Variants in COL5A2 observed in about 807,000 individuals in gnomAD.
COL5A2 encodes the protein collagen type V alpha 2 chain, also known as collagen alpha-2(V) chain.
In COL5A2, 23 loss-of-function variants were observed where a neutral mutation model predicts 208.2. The ratio of observed to expected loss-of-function variants is 0.11; its 90% CI spans 0.08 to 0.16. The LOEUF (loss-of-function observed/expected upper bound fraction) is 0.16, where lower values mean the gene tolerates loss of function less well. Ranked by LOEUF, COL5A2 falls within the 10% of genes least tolerant of loss-of-function variation. The probability of loss-of-function intolerance (pLI) is 1.00; values close to 1 mark genes in which losing one functional copy is unlikely to be tolerated. For synonymous variants in COL5A2, 625 were observed against 628.5 expected (o/e 0.99, Z 0.08); for missense variants, 1,590 against 1,956.4 (o/e 0.81, Z 3.53).
the COL5A2 span, among the ~76,000 whole-genome samples, chr2:189,292,985 T>A: frequency 6.6e-6 from 1 of 152,100 alleles, no homozygotes; most frequent in African/African-American, 2.4e-5. Context: ...ATCATCATTC[T>A]CAGTAAACTA....
the COL5A2 span, among the ~76,000 whole-genome samples, chr2:189,231,990 T>C: frequency 6.6e-6 from 1 of 151,672 alleles, no homozygotes; most frequent in African/African-American, 2.4e-5. Context: ...GAAAGGTCTC[T>C]GTCCTGCTCC....
At chr2:189,043,072 C>T (rs776353207) in intron 48 of COL5A2, 79 bp downstream of exon 48, 44 of 1,038,028 alleles carry the variant, frequency 4.2e-5, no homozygotes, top group Non-Finnish European at 6.4e-5. Context: ...ACCTATTTTA[C>T]AGACAGATAA....
chr2:189,185,126 C>T (rs1169215479), intron 1 of COL5A2, among the ~76,000 whole-genome samples: 4 of 151,946 alleles, frequency 2.6e-5, no homozygotes, highest in Admixed American at 6.6e-5. Context: ...CGGGTTCAAA[C>T]GATTCTCCTG....
At chr2:189,311,395 A>G in the COL5A2 span, 2 of 1,057,612 alleles carry the variant, frequency 1.9e-6, no homozygotes, top group Admixed American at 1.8e-5. Context: ...AGTCCTCACC[A>G]TCTTCCAGCA....
the COL5A2 span, among the ~76,000 whole-genome samples, chr2:189,440,543 T>C: frequency 6.6e-6 from 1 of 152,218 alleles, no homozygotes; most frequent in Non-Finnish European, 1.5e-5. Context: ...GTTATATGCA[T>C]TGATTGAAAG....
chr2:189,256,841 G>A, the COL5A2 span, among the ~76,000 whole-genome samples: 10 of 152,060 alleles, frequency 6.6e-5, no homozygotes, highest in African/African-American at 1.9e-4. Flanking sequence ...TGTTGGCCAC[G>A]CTGGTCTCAA....
At chr2:189,161,072 G>A (rs1202881842) in intron 1 of COL5A2, among the ~76,000 whole-genome samples, 3 of 150,938 alleles carry the variant, frequency 2.0e-5, no homozygotes, top group Admixed American at 6.6e-5. Context: ...TGCCCACCTC[G>A]ATCTCCCAAA....
At chr2:189,338,287 C>T in the COL5A2 span, among the ~76,000 whole-genome samples, 1 of 152,168 alleles carries the variant, frequency 6.6e-6, no homozygotes, top group African/African-American at 2.4e-5. Flanking sequence ...CAATATCCCA[C>T]CTTGGCTTCT....
the COL5A2 span, among the ~76,000 whole-genome samples, chr2:189,306,939 C>A: frequency 6.6e-6 from 1 of 152,204 alleles, no homozygotes; most frequent in Admixed American, 6.5e-5. Flanking sequence ...CCTCCTCCTT[C>A]ATTAACCAAC....
chr2:189,035,202 A>G (rs992096738), intron 52 of COL5A2, 47 bp from the exon 53 acceptor site: 1 of 1,612,272 alleles, frequency 6.2e-7, no homozygotes, highest in African/African-American at 1.3e-5. Flanking sequence ...GAAGGGTTTC[A>G]TAATGCCTTA....
At chr2:189,254,063 C>T in the COL5A2 span, among the ~76,000 whole-genome samples, 1 of 152,232 alleles carries the variant, frequency 6.6e-6, no homozygotes, top group Non-Finnish European at 1.5e-5. Flanking sequence ...ATACTTACTT[C>T]TAATGTTTCA....
intron 1 of COL5A2, among the ~76,000 whole-genome samples, chr2:189,153,160 G>C (rs551011563): frequency 4.8e-4 from 73 of 152,224 alleles, no homozygotes; most frequent in African/African-American, 1.7e-3. Context: ...CTGTGAGTCT[G>C]CCAACATTAC....
the COL5A2 span, among the ~76,000 whole-genome samples, chr2:189,333,931 A>G: frequency 3.5e-5 from 5 of 143,884 alleles, no homozygotes; most frequent in Admixed American, 7.0e-5. Flanking sequence ...GGAAGACTGC[A>G]AAAAAAAAAA....
the COL5A2 span, among the ~76,000 whole-genome samples, chr2:189,376,901 G>GA: frequency 6.6e-6 from 1 of 151,826 alleles, no homozygotes; most frequent in African/African-American, 2.4e-5. Flanking sequence ...GACTAGGCAG[G>GA]AAAAAAATGC....
rs778152174 is a variant in COL5A2 at position 189,045,906 on chromosome 2, C to T, written c.3203G>A (p.Gly1068Asp). ...TGCAGGCCCAGGGTCTCCACGATCA[C>T]CCTAACAAGAATAACCATGATATTA... ...PGRDGAVGER[G>D]DRGDPGPAGL... The change falls in exon 46 of 54, where the codon GGT becomes GAT. Residue 1068 changes from glycine to aspartate, a missense_variant and splice_region_variant. Transcript: ENST00000374866. 6.2e-7 allele frequency: 1 copy of T among 1,613,086 alleles called. No homozygotes were observed. The highest frequency in any genetic ancestry group is 1.1e-5 in the South Asian group (1 of 91,062).
chr2:189,361,405 T>A, the COL5A2 span, among the ~76,000 whole-genome samples: 1 of 152,180 alleles, frequency 6.6e-6, no homozygotes, highest in African/African-American at 2.4e-5. Context: ...AAGCCTATTT[T>A]ATCTGATGTT....
chr2:189,319,617 G>A, the COL5A2 span, among the ~76,000 whole-genome samples: 1 of 152,260 alleles, frequency 6.6e-6, no homozygotes, highest in African/African-American at 2.4e-5. Flanking sequence ...CAGGCTCGGG[G>A]AGGGGCGCCC....
the COL5A2 span, among the ~76,000 whole-genome samples, chr2:189,313,454 A>T: frequency 1.3e-5 from 2 of 152,228 alleles, no homozygotes; most frequent in Non-Finnish European, 2.9e-5. Flanking sequence ...AATAAATATG[A>T]AAAGTAAAGA....
At chr2:189,438,180 A>G in the COL5A2 span, among the ~76,000 whole-genome samples, 16 of 151,320 alleles carry the variant, frequency 1.1e-4, no homozygotes, top group African/African-American at 3.4e-4. Flanking sequence ...ACTTATTATG[A>G]TGGCTAAAAT....
Sources: gnomAD v4.1 joint callset for allele counts (sites outside exome capture counted in the v4.1 genomes callset) on GRCh38, gnomAD v4.1.1 for gene constraint, MANE v1.5 for transcripts, NCBI Gene and HGNC (gene_info 2026-07-23, HGNC 2026-07-21) for gene names.